The following MROH1 variants were observed in gnomAD, a reference collection of about 807,000 sequenced individuals.
MROH1 encodes maestro heat-like repeat-containing protein family member 1.
In MROH1, 117 loss-of-function variants were observed where a neutral mutation model predicts 116.5. The ratio of observed to expected loss-of-function variants is 1.00; its 90% CI spans 0.86 to 1.17. The LOEUF (loss-of-function observed/expected upper bound fraction) is 1.17, where lower values mean the gene tolerates loss of function less well. MROH1 is among the 50% of genes most tolerant of loss of function. The pLI is 0.00. For synonymous variants in MROH1, 921 were observed against 583.9 expected, an observed-to-expected ratio of 1.58 and a Z score of -8.32; for missense variants, 1,873 against 1,338.5, an observed-to-expected ratio of 1.40 and a Z score of -6.23.
chr8:144,203,894 C>G (rs1451069617), intron 12 of MROH1, among the ~76,000 whole-genome samples: 1 of 152,172 alleles, frequency 6.6e-6, no homozygotes, highest in Non-Finnish European at 1.5e-5. Context: ...CTCAACTTCC[C>G]TTTGTTAATT....
rs1588572365 is a variant in MROH1, at chr8:144,260,790, C to T, written c.4494C>T (p.Pro1498=). The change falls in exon 40 of 44, where the codon CCC becomes CCT. Residue 1498 remains proline (P), a synonymous_variant. Coordinates refer to ENST00000326134, the MANE Select transcript of MROH1 (RefSeq NM_032450.3). ...ACCAGGTGGTGGGCGGGCTGGCGCC[C>T]CTGCTGCTGCACCTGCAGGACCCTC... is the stretch of plus-strand genomic sequence containing the variant. ...FLDQVVGGLA[P]LLLHLQDPQA... is the part of the protein sequence containing the mutation. The T allele has an allele frequency of 1.3e-6, 1 of 778,294 alleles. No homozygotes were observed. The highest frequency in any genetic ancestry group is 2.4e-5 in the East Asian group (1 of 41,248). The allele number at this position is 778,294 out of a possible 1,614,324, so 48.2% of individuals were successfully genotyped here. A position where few individuals can be genotyped will look rare whatever the true frequency, so the allele number is the denominator to read the frequency against.
At position 144,179,482 on chromosome 8, in the gene MROH1, C is replaced by T; in HGVS notation, c.196C>T (p.Leu66=). ...KLAHPYRAAV[L]RAMERVLSSR... ...GGCACACCCATACCGAGCAGCGGTC[C>T]TGAGGGCCATGGAGAGGGTCCTGAG... The change falls in exon 5 of 44, where the codon CTG becomes TTG. Residue 66 remains leucine (L), a synonymous_variant. Coordinates refer to ENST00000326134, the MANE Select transcript of MROH1 (RefSeq NM_032450.3). 6.2e-7 allele frequency: 1 copy of T among 1,613,578 alleles called. No homozygotes were observed. The highest frequency in any genetic ancestry group is 1.1e-5 in the South Asian group (1 of 91,082).
chr8:144,249,260 A>T (rs1029960045), intron 32 of MROH1, among the ~76,000 whole-genome samples: 154 of 152,210 alleles, frequency 1.0e-3, no homozygotes, highest in South Asian at 3.7e-3. Flanking sequence ...TCTTTCTCTT[A>T]TGTCTGAAGA....
chr8:144,259,284 A>T lies in MROH1; in HGVS notation c.3974A>T (p.Lys1325Met). ...GGGCCCCGACTCCCCCTGGTGCTGA[A>T]GACGCTGGCATGCACACACAGCAGT... Reference protein sequence around the residue: ...HAGPRLPLVLKTLACTHSSAY... With the variant: ...HAGPRLPLVLMTLACTHSSAY... Residue 1325 changes from lysine to methionine, a missense_variant, in exon 37 of 44, where the codon AAG becomes ATG. Physicochemically the swap from Lys to Met is moderately conservative, Grantham distance 95. Transcript: ENST00000326134. 1.4e-6 allele frequency: 1 copy of T among 715,002 alleles called. No homozygotes were observed. Among genetic ancestry groups the T allele is most frequent in the East Asian group, 2.7e-5 (1 of 37,286 alleles). 44.3% of individuals were successfully genotyped at this position (715,002 alleles called of 1,614,324 possible).
At chr8:144,236,147 CTTTCAA>C (rs1212661661) in intron 14 of MROH1, among the ~76,000 whole-genome samples, 9 of 152,310 alleles carry the variant, frequency 5.9e-5, no homozygotes, top group Admixed American at 5.9e-4. Flanking sequence ...GACCTGGATA[CTTTCAA>C]AGAATTGAGA....
chr8:144,200,012 C>G (rs1165486812), intron 11 of MROH1, among the ~76,000 whole-genome samples: 1 of 152,156 alleles, frequency 6.6e-6, no homozygotes, highest in East Asian at 1.9e-4. Flanking sequence ...GCTCCTGGAG[C>G]TTGGGCTGCA....
intron 26 of MROH1, 83 bp downstream of exon 26, chr8:144,244,025 C>A: frequency 2.7e-6 from 2 of 738,104 alleles, no homozygotes; most frequent in Non-Finnish European, 5.0e-6. Context: ...CGTGTATGCG[C>A]GTGTGCATGT....
At chr8:144,246,391 A>G (rs1429132385) in intron 29 of MROH1, among the ~76,000 whole-genome samples, 2 of 151,832 alleles carry the variant, frequency 1.3e-5, no homozygotes, top group African/African-American at 4.8e-5. Context: ...CAGCCTCCCA[A>G]AGTGCTGGGA....
intron 16 of MROH1, 51 bp downstream of exon 16, chr8:144,239,230 CTCCTGCCCCCACTTCCCCAT>C: frequency 1.3e-6 from 1 of 758,172 alleles, no homozygotes; most frequent in Non-Finnish European, 2.4e-6. Context: ...CACTTCCCCA[CTCCTGCCCCCACTTCCCCAT>C]CCTCCAGTTC....
chr8:144,200,948 C>A, intron 12 of MROH1: 1 of 166,822 alleles, frequency 6.0e-6, no homozygotes, highest in Non-Finnish European at 1.3e-5. Context: ...AGCCTTTTTA[C>A]TCTTTTTAAG....
rs977166042 is a variant in MROH1, at chr8:144,152,578, G to A, written c.-177+4502G>A. 5.7e-4 allele frequency among the ~76,000 whole-genome samples: 83 copies of A among 145,920 alleles called. 3 individuals carry two copies. In the East Asian group the frequency reaches 0.012, roughly 21 times the overall value. On this transcript the variant is annotated intron_variant, in intron 1 of 43. Transcript: ENST00000326134. ...TTATTTTTTTTTTTGAGACAGTCTC[G>A]CTCTGTCGCCCAGGCTGGAGTGCAG... is the stretch of plus-strand genomic sequence containing the variant.
Position 144,247,390 on chromosome 8 carries a change from C to A in MROH1, c.2961C>A (p.Ala987=). The A allele has an allele frequency of 3.9e-6, 3 of 771,028 alleles. No homozygotes were observed. The South Asian group carries it at 4.1e-5, about 11-fold the overall frequency. The allele number at this position is 771,028 out of a possible 1,614,324, so 47.8% of individuals were successfully genotyped here. A position where few individuals can be genotyped will look rare whatever the true frequency, so the allele number is the denominator to read the frequency against. ...ADLWPATRQE[A]VDCVYSLLYL... Reference sequence around the variant, plus strand: ...TGTGGCCTGCCACCCGCCAGGAGGCCGTGGACTGTGTCTACTCCCTGCTGT... The same window carrying A: ...TGTGGCCTGCCACCCGCCAGGAGGCAGTGGACTGTGTCTACTCCCTGCTGT... The change falls in exon 30 of 44, where the codon GCC becomes GCA. Residue 987 remains alanine, a synonymous_variant. Transcript: ENST00000326134.
chr8:144,180,511 G>A lies in MROH1; in HGVS notation c.550G>A (p.Ala184Thr), dbSNP rs1825328707. The A allele has an allele frequency of 2.5e-6, 4 of 1,610,316 alleles. No individual in the cohort carries two copies. Among genetic ancestry groups the A allele is most frequent in the Non-Finnish European group, 3.4e-6 (4 of 1,179,768 alleles). ...GVAKQDTVRV[A>T]FCSALQRFSE... ...GGCCAAGCAGGACACGGTGCGCGTG[G>A]CCTTCTGCTCCGGTAAGAGGCGGCC... Residue 184 changes from alanine (A) to threonine (T), a missense_variant, in exon 7 of 44, where the codon GCC (alanine) becomes ACC (threonine). Ala to Thr is a moderately conservative substitution (Grantham distance 58). Coordinates refer to ENST00000326134, the MANE Select transcript of MROH1 (RefSeq NM_032450.3). The surrounding 1 kb of genome is among the most constrained non-coding windows in gnomAD (Gnocchi z 7.4).
At chr8:144,234,662 G>A (rs1419010819) in intron 14 of MROH1, among the ~76,000 whole-genome samples, 10 of 148,208 alleles carry the variant, frequency 6.7e-5, no homozygotes, top group Admixed American at 3.4e-4. Context: ...GATTACAGGC[G>A]CCCACCACCA....
Position 144,150,550 on chromosome 8 carries a change from G to T in MROH1, c.-177+2474G>T, listed in dbSNP as rs1016637006. 2.6e-5 allele frequency among the ~76,000 whole-genome samples: 4 copies of T among 152,212 alleles called. No individual in the cohort carries two copies. In the East Asian group the frequency reaches 7.7e-4, roughly 29 times the overall value. ...ACCGAGTAGCCCCTGTCCTCAGCAC[G>T]TCAGATGCTCTTGGTGTTCAACTGT... On this transcript the variant is annotated intron_variant, in intron 1 of 43. Coordinates refer to ENST00000326134, the MANE Select transcript of MROH1 (RefSeq NM_032450.3).
At chr8:144,169,520 C>T (rs1180420489) in intron 4 of MROH1, among the ~76,000 whole-genome samples, 35 of 150,374 alleles carry the variant, frequency 2.3e-4, no homozygotes, top group Non-Finnish European at 3.2e-4. Flanking sequence ...TGGACCATCT[C>T]GGCTCACTGC....
chr8:144,211,680 T>C (rs1834122042), intron 12 of MROH1, among the ~76,000 whole-genome samples: 1 of 150,626 alleles, frequency 6.6e-6, no homozygotes, highest in Non-Finnish European at 1.5e-5. Context: ...GAGCCAAGAT[T>C]GCGACACTGC....
Position 144,260,204 on chromosome 8 carries a change from C to T in MROH1, c.4210C>T (p.Gln1404Ter). Residue 1404 changes from glutamine (Q) to a stop codon, truncating the protein, a stop_gained, in exon 39 of 44, where the codon CAG becomes TAG. Transcript: ENST00000326134. LOFTEE classifies it high-confidence loss of function. ...TCCTCAGGTGCGAACCCACGGCCCC[C>T]AGCTCCTCACAGCCATGATTGGCGG... ...CPDKVRTHGP[Q>*]LLTAMIGGLD... 1.3e-6 allele frequency: 1 copy of T among 765,342 alleles called. No homozygotes were observed. Among genetic ancestry groups the T allele is most frequent in the Non-Finnish European group, 2.4e-6 (1 of 417,610 alleles). 47.4% of individuals were successfully genotyped at this position (765,342 alleles called of 1,614,324 possible).
chr8:144,257,855 G>C (rs892396119), intron 35 of MROH1, among the ~76,000 whole-genome samples: 14 of 152,270 alleles, frequency 9.2e-5, no homozygotes, highest in Non-Finnish European at 1.8e-4. Flanking sequence ...TGGGGACAGA[G>C]GTCCAAAGGC....
Sources: gnomAD v4.1 joint callset for allele counts (sites outside exome capture counted in the v4.1 genomes callset) on GRCh38, gnomAD v4.1.1 for gene constraint, Gnocchi (gnomAD v3.1) non-coding constraint, MANE v1.5 for transcripts, NCBI Gene and HGNC (gene_info 2026-07-23, HGNC 2026-07-21) for gene names.